Variants in ADGRL3 observed in about 807,000 individuals in gnomAD.
ADGRL3 encodes adhesion G protein-coupled receptor L3, also known as calcium-independent alpha-latrotoxin receptor 3.
A neutral mutation model predicts 153.5 loss-of-function variants in ADGRL3; 62 were observed. That is an observed-to-expected ratio of 0.40 (90% CI 0.33 to 0.50). The LOEUF (loss-of-function observed/expected upper bound fraction) is 0.50. Among genes scored for constraint, ADGRL3 ranks in the 20% least tolerant of loss-of-function variants. The pLI is 0.47. For synonymous variants in ADGRL3, 710 were observed against 672.5 expected (o/e 1.06, Z -0.86); for missense variants, 1,641 against 1,859.4 (o/e 0.88, Z 2.16).
At chr4:61,856,604 C>CT (rs1157019252) in intron 9 of ADGRL3, among the ~76,000 whole-genome samples, 378 of 15,604 alleles carry the variant, frequency 0.024, 26 homozygotes, top group Middle Eastern at 0.062. Flanking sequence ...CTCTCTCTCT[C>CT]TTTTTTTTTT....
intron 2 of ADGRL3, among the ~76,000 whole-genome samples, chr4:61,461,605 G>A (rs938246386): frequency 2.2e-4 from 34 of 152,234 alleles, no homozygotes; most frequent in African/African-American, 6.0e-4. Flanking sequence ...CAAAAACAAT[G>A]TGTATTTACT....
intron 4 of ADGRL3, among the ~76,000 whole-genome samples, chr4:61,533,211 A>C (rs2098634404): frequency 6.6e-6 from 1 of 152,134 alleles, no homozygotes; most frequent in Non-Finnish European, 1.5e-5. Flanking sequence ...TATATGATGA[A>C]GTTTTTCAAC....
intron 23 of ADGRL3, among the ~76,000 whole-genome samples, chr4:62,033,471 T>C (rs1723294968): frequency 6.6e-6 from 1 of 151,626 alleles, no homozygotes; most frequent in South Asian, 2.1e-4. Flanking sequence ...ATCAAGATGA[T>C]ACACTGAATT....
chr4:61,616,704 T>A (rs752238899), intron 5 of ADGRL3, among the ~76,000 whole-genome samples: 21 of 152,338 alleles, frequency 1.4e-4, no homozygotes, highest in Non-Finnish European at 2.5e-4. Context: ...TTTGTGACTT[T>A]CAGTTCTATT....
At chr4:61,663,096 A>G (rs144087367) in intron 5 of ADGRL3, among the ~76,000 whole-genome samples, 1,593 of 152,268 alleles carry the variant, frequency 0.01, 31 homozygotes, top group African/African-American at 0.035. Context: ...CTTCCTGAAC[A>G]TGGGACAAGA....
intron 8 of ADGRL3, among the ~76,000 whole-genome samples, chr4:61,789,433 C>G (rs2097315260): frequency 6.6e-6 from 1 of 152,036 alleles, no homozygotes; most frequent in Admixed American, 6.6e-5. Context: ...AAAGCAATTG[C>G]TTTGAGTATT....
intron 8 of ADGRL3, among the ~76,000 whole-genome samples, chr4:61,767,152 G>A (rs1029115601): frequency 6.6e-6 from 1 of 150,500 alleles, no homozygotes; most frequent in Non-Finnish European, 1.5e-5. Flanking sequence ...GGTTAAGGTT[G>A]GGGGATACAA....
intron 1 of ADGRL3, among the ~76,000 whole-genome samples, chr4:61,371,925 C>G (rs996310553): frequency 6.6e-6 from 1 of 152,112 alleles, no homozygotes; most frequent in African/African-American, 2.4e-5. Flanking sequence ...AGGCTTTGCT[C>G]TTTTCTTTTT....
chr4:61,530,742 T>C (rs566918455), intron 4 of ADGRL3, among the ~76,000 whole-genome samples: 14 of 152,318 alleles, frequency 9.2e-5, no homozygotes, highest in Admixed American at 4.6e-4. Flanking sequence ...CTTGAGCTGA[T>C]GAAAACTTCC....
Position 61,497,182 on chromosome 4 carries a change from T to A in ADGRL3, c.-112T>A. ...GAAATTATTCTTTTTCTTTTTAATT[T>A]GAAGAAAAATCATCAGTCTTGGAAT... On this transcript the variant is annotated 5_prime_UTR_variant, in exon 3 of 27. Transcript: ENST00000683033. The A allele has an allele frequency of 1.5e-6, 1 of 652,662 alleles. No homozygotes were observed. Among genetic ancestry groups the A allele is most frequent in the Non-Finnish European group, 2.6e-6 (1 of 385,270 alleles). The allele number at this position is 652,662 out of a possible 1,614,324, so 40.4% of individuals were successfully genotyped here.
intron 9 of ADGRL3, among the ~76,000 whole-genome samples, chr4:61,863,228 A>ATTT (rs2098362917): frequency 8.9e-6 from 1 of 112,248 alleles, no homozygotes; most frequent in African/African-American, 3.6e-5. Flanking sequence ...TCTGGGCATC[A>ATTT]TTCTTTTTTT....
intron 1 of ADGRL3, among the ~76,000 whole-genome samples, chr4:61,285,892 T>A (rs2093921771): frequency 1.3e-5 from 2 of 151,726 alleles, no homozygotes; most frequent in Admixed American, 1.3e-4. Context: ...TTTTTTCCCC[T>A]CCAACTCATG....
intron 4 of ADGRL3, among the ~76,000 whole-genome samples, chr4:61,538,680 G>A (rs1579408556): frequency 6.6e-6 from 1 of 152,194 alleles, no homozygotes; most frequent in East Asian, 1.9e-4. Context: ...TACCTCTGGT[G>A]ATCCACCCAT....
At chr4:61,863,619 C>T (rs140918363) in intron 9 of ADGRL3, among the ~76,000 whole-genome samples, 1 of 152,318 alleles carries the variant, frequency 6.6e-6, no homozygotes, top group Non-Finnish European at 1.5e-5. Context: ...TGCAAACAGA[C>T]ACACATATAT....
chr4:61,726,396 A>G (rs917276850), intron 6 of ADGRL3, among the ~76,000 whole-genome samples: 4 of 151,586 alleles, frequency 2.6e-5, no homozygotes, highest in African/African-American at 9.7e-5. Flanking sequence ...ATAGGGTTTC[A>G]CCGTGTTGGC....
chr4:61,934,970 T>A lies in ADGRL3; in HGVS notation c.2243T>A (p.Leu748Gln). The A allele has an allele frequency of 6.2e-7, 1 of 1,613,878 alleles. No homozygotes were observed. ...ACTGTGGAGGAAAGTGCTTTTGTGC[T>A]GGCTGATAACCTTTTGAAGACTGAC... ...LHTVEESAFV[L>Q]ADNLLKTDIV... Residue 748 changes from leucine to glutamine, a missense_variant, in exon 14 of 27, where the codon CTG (leucine) becomes CAG (glutamine). Coordinates refer to ENST00000683033, the MANE Select transcript of ADGRL3 (RefSeq NM_001387552.1).
At chr4:61,569,403 G>A (rs1014892579) in intron 4 of ADGRL3, among the ~76,000 whole-genome samples, 4 of 152,046 alleles carry the variant, frequency 2.6e-5, no homozygotes, top group African/African-American at 9.7e-5. Flanking sequence ...AAAAAGGAAA[G>A]CTCTACCTAT....
intron 2 of ADGRL3, among the ~76,000 whole-genome samples, chr4:61,442,438 G>T (rs75316182): frequency 0.034 from 5,187 of 152,240 alleles, 106 homozygotes; most frequent in South Asian, 0.086. Context: ...TGCAAGTAAA[G>T]AGGTGACAAT....
At chr4:61,746,892 C>A (rs934281655) in intron 8 of ADGRL3, among the ~76,000 whole-genome samples, 8 of 151,214 alleles carry the variant, frequency 5.3e-5, no homozygotes, top group Non-Finnish European at 8.8e-5. Context: ...ACACAAAAAA[C>A]CCTTCAAAAA....
Sources: gnomAD v4.1 joint callset for allele counts (sites outside exome capture counted in the v4.1 genomes callset) on GRCh38, gnomAD v4.1.1 for gene constraint, MANE v1.5 for transcripts, NCBI Gene and HGNC (gene_info 2026-07-23, HGNC 2026-07-21) for gene names.